Variants in SEPTIN6 observed in about 807,000 individuals in gnomAD.
The protein encoded by SEPTIN6 is septin-6.
In SEPTIN6, 8 loss-of-function variants were observed where a neutral mutation model predicts 33.6. The observed-to-expected ratio is 0.24, with a 90% CI of 0.14 to 0.43. SEPTIN6 has a LOEUF of 0.43. Ranked by LOEUF, SEPTIN6 falls within the 20% of genes least tolerant of loss-of-function variation. The pLI is 1.00. For synonymous variants in SEPTIN6, 131 were observed against 140.0 expected (o/e 0.94, Z 0.45); for missense variants, 250 against 340.8 (o/e 0.73, Z 2.10).
rs1359605283 is a variant in SEPTIN6 at position 119,631,944 on chromosome X, G to A, written c.1089+1416C>T. 3.7e-5 allele frequency among the ~76,000 whole-genome samples: 4 copies of A among 108,636 alleles called. No homozygotes were observed. The Admixed American group carries it at 4.0e-4, about 11-fold the overall frequency. The allele number at this position is 108,636 out of a possible 115,157, so 94.3% of individuals were successfully genotyped here. A position where few individuals can be genotyped will look rare whatever the true frequency, so the allele number is the denominator to read the frequency against. On this transcript the variant is annotated intron_variant, in intron 8 of 10. Coordinates refer to ENST00000394610, the MANE Select transcript of SEPTIN6 (RefSeq NM_145799.4). ...CACCTGGCTAATTTTTGTATTTTTA[G>A]CAGAGACAGGGTTTCACCATATTAG...
intron 3 of SEPTIN6, among the ~76,000 whole-genome samples, chrX:119,657,992 T>C (rs892936053): frequency 1.4e-4 from 15 of 110,168 alleles, no homozygotes; most frequent in Non-Finnish European, 2.5e-4. Context: ...CCGGGCGTGG[T>C]GGTGGGCGCC....
chrX:119,645,855 G>A (rs1037526282), intron 5 of SEPTIN6, among the ~76,000 whole-genome samples: 3 of 111,932 alleles, frequency 2.7e-5, no homozygotes, highest in Non-Finnish European at 5.6e-5. Flanking sequence ...TATCATACTG[G>A]CCACACCTGA....
chrX:119,654,444 G>C (rs998254887), intron 3 of SEPTIN6, among the ~76,000 whole-genome samples: 1 of 111,603 alleles, frequency 9.0e-6, no homozygotes, highest in Admixed American at 9.6e-5. Flanking sequence ...GCTAGAAGAG[G>C]CTTGTCATGT....
At chrX:119,662,456 C>T (rs1359738218) in intron 3 of SEPTIN6, among the ~76,000 whole-genome samples, 1 of 111,889 alleles carries the variant, frequency 8.9e-6, no homozygotes, top group African/African-American at 3.2e-5. Flanking sequence ...TTTTCTTTTG[C>T]CTTCACAACC....
chrX:119,629,248 C>A, intron 9 of SEPTIN6, 70 bp downstream of exon 9: 1 of 1,077,834 alleles, frequency 9.3e-7, no homozygotes, highest in South Asian at 2.0e-5. Flanking sequence ...CCTTCAGGTG[C>A]CACGTCCTGC....
chrX:119,620,419 C>T (rs1232799099), intron 10 of SEPTIN6, among the ~76,000 whole-genome samples: 3 of 104,669 alleles, frequency 2.9e-5, no homozygotes, highest in Non-Finnish European at 5.9e-5. Context: ...CCCGGGTTCA[C>T]GCCATTCTCC....
chrX:119,647,894 C>A (rs1420525742), intron 5 of SEPTIN6, among the ~76,000 whole-genome samples: 1 of 107,779 alleles, frequency 9.3e-6, no homozygotes, highest in African/African-American at 3.5e-5. Context: ...CTGAGGTGAT[C>A]CACCTGCCTT....
chrX:119,680,461 G>A (rs994532370), intron 1 of SEPTIN6, among the ~76,000 whole-genome samples: 5 of 107,277 alleles, frequency 4.7e-5, no homozygotes, highest in African/African-American at 1.7e-4. Flanking sequence ...CGGCCACCTC[G>A]GCCTCCCAAA....
chrX:119,686,484 G>T, intron 1 of SEPTIN6: 1 of 545,800 alleles, frequency 1.8e-6, no homozygotes, highest in Non-Finnish European at 2.7e-6. Flanking sequence ...GGCCGGCTGA[G>T]AGCGCGCTGC....
intron 5 of SEPTIN6, among the ~76,000 whole-genome samples, chrX:119,645,010 C>T (rs767651808): frequency 2.8e-4 from 28 of 100,563 alleles, no homozygotes; most frequent in South Asian, 4.9e-4. Context: ...CGGGTTCAAG[C>T]GATTATCTTG....
intron 7 of SEPTIN6, among the ~76,000 whole-genome samples, chrX:119,636,276 C>T (rs1313246297): frequency 1.8e-5 from 2 of 111,790 alleles, no homozygotes; most frequent in African/African-American, 6.5e-5. Context: ...AATGCCTGAC[C>T]ACCATAAAGG....
intron 6 of SEPTIN6, among the ~76,000 whole-genome samples, chrX:119,639,923 C>T (rs568036922): frequency 1.8e-5 from 2 of 110,227 alleles, no homozygotes; most frequent in Non-Finnish European, 3.8e-5. Flanking sequence ...CCTGCCTCAG[C>T]CTCCTGAGTA....
chrX:119,633,684 G>T (rs1484695191), intron 7 of SEPTIN6, among the ~76,000 whole-genome samples, 192 bp from the exon 8 acceptor site: 1 of 112,261 alleles, frequency 8.9e-6, no homozygotes, highest in Non-Finnish European at 1.9e-5. Context: ...TCTGGAGGGG[G>T]ATGGGGCAAC....
At chrX:119,665,722 C>A (rs1000208208) in intron 2 of SEPTIN6, among the ~76,000 whole-genome samples, 6 of 110,982 alleles carry the variant, frequency 5.4e-5, no homozygotes, top group Admixed American at 9.6e-5. Flanking sequence ...ATAATCTCTA[C>A]AGATCCAGGC....
chrX:119,639,735 AT>A (rs1490552632), intron 6 of SEPTIN6, among the ~76,000 whole-genome samples: 1 of 111,337 alleles, frequency 9.0e-6, no homozygotes, highest in African/African-American at 3.3e-5. Flanking sequence ...TTATGTATGC[AT>A]TCCTAAGAAT....
At chrX:119,655,750 G>T (rs1383518933) in intron 3 of SEPTIN6, among the ~76,000 whole-genome samples, 3 of 111,820 alleles carry the variant, frequency 2.7e-5, no homozygotes. Context: ...TTAACACAGG[G>T]TTCATGGACC....
chrX:119,627,216 G>A (rs1361358327), intron 9 of SEPTIN6, among the ~76,000 whole-genome samples: 1 of 110,785 alleles, frequency 9.0e-6, no homozygotes. Flanking sequence ...TGGATCCTCA[G>A]TACCCTTCAG....
chrX:119,625,344 G>C lies in SEPTIN6; in HGVS notation c.*32C>G, dbSNP rs1488450818. 1 of 1,202,340 alleles carries C rather than the reference G, an allele frequency of 8.3e-7. No individual in the cohort carries two copies. The highest frequency in any genetic ancestry group is 2.2e-5 in the Admixed American group (1 of 45,599). On this transcript the variant is annotated 3_prime_UTR_variant, in exon 10 of 11. Coordinates refer to ENST00000394610, the MANE Select transcript of SEPTIN6 (RefSeq NM_145799.4). The stretch of plus-strand genomic sequence containing the variant: ...AGTTAATCAAGCTTACCAGGACCCT[G>C]GGTCTCATGCAGCATGCAGCAAACA...
At chrX:119,634,147 A>G (rs2054014945) in intron 7 of SEPTIN6, among the ~76,000 whole-genome samples, 1 of 111,352 alleles carries the variant, frequency 9.0e-6, no homozygotes, top group South Asian at 3.7e-4. Context: ...CGGGTGGATC[A>G]CCTGAGGTCA....
Sources: gnomAD v4.1 joint callset for allele counts (sites outside exome capture counted in the v4.1 genomes callset) on GRCh38, gnomAD v4.1.1 for gene constraint, MANE v1.5 for transcripts, NCBI Gene and HGNC (gene_info 2026-07-23, HGNC 2026-07-21) for gene names.